CATSPERQ: variants seen among roughly 807,000 people sequenced by gnomAD.
CATSPERQ encodes the protein cation channel sperm-associated auxiliary subunit theta.
the CATSPERQ span, chr8:144,354,454 G>A: frequency 3.1e-6 from 4 of 1,302,452 alleles, no homozygotes; most frequent in African/African-American, 3.1e-5. This position sits in a 1 kb window ranked among gnomAD's most constrained non-coding sequence, Gnocchi z 4.6. Context: ...TCTCGCCTGC[G>A]GCCTCTCCGT....
At chr8:144,353,674 G>A in the CATSPERQ span, 1 of 1,478,786 alleles carries the variant, frequency 6.8e-7, no homozygotes, top group Non-Finnish European at 9.1e-7. Flanking sequence ...CGAAGACCGT[G>A]TTGTATTTAC....
At chr8:144,353,888 G>C in the CATSPERQ span, 8 of 1,530,932 alleles carry the variant, frequency 5.2e-6, no homozygotes, top group African/African-American at 1.1e-4. Flanking sequence ...GACTTAGCCA[G>C]CCTGGCCGCC....
chr8:144,354,351 TGA>T, the CATSPERQ span: 1 of 1,530,826 alleles, frequency 6.5e-7, no homozygotes, highest in South Asian at 1.2e-5. The surrounding 1 kb of genome is among the most constrained non-coding windows in gnomAD (Gnocchi z 4.6). Context: ...GCGCGGCGCG[TGA>T]GGACGCCCCG....
At chr8:144,354,382 G>A in the CATSPERQ span, 3 of 1,509,118 alleles carry the variant, frequency 2.0e-6, no homozygotes, top group South Asian at 3.6e-5. This position sits in a 1 kb window ranked among gnomAD's most constrained non-coding sequence, Gnocchi z 4.6. Flanking sequence ...CGCAGCCGGG[G>A]GTGGCGGTGC....
the CATSPERQ span, chr8:144,353,698 A>C: frequency 7.9e-6 from 12 of 1,512,460 alleles, no homozygotes; most frequent in Non-Finnish European, 1.1e-5. Flanking sequence ...CTGCGTGCGG[A>C]AACGGCCCCA....
At chr8:144,353,899 C>T in the CATSPERQ span, 1 of 1,529,466 alleles carries the variant, frequency 6.5e-7, no homozygotes, top group Non-Finnish European at 8.8e-7. Flanking sequence ...CCTGGCCGCC[C>T]CTCCGACCTC....
chr8:144,353,326 G>C, the CATSPERQ span: 1 of 1,518,730 alleles, frequency 6.6e-7, no homozygotes, highest in Non-Finnish European at 8.8e-7. Context: ...ACACAGTCCC[G>C]AGGTGGGGGA....
chr8:144,354,340 G>C, the CATSPERQ span: 1 of 1,532,546 alleles, frequency 6.5e-7, no homozygotes, highest in Admixed American at 2.0e-5. This position sits in a 1 kb window ranked among gnomAD's most constrained non-coding sequence, Gnocchi z 4.6. Flanking sequence ...GACTGGGGGT[G>C]GCGCGGCGCG....
chr8:144,353,792 A>C, the CATSPERQ span: 1 of 1,535,546 alleles, frequency 6.5e-7, no homozygotes, highest in Admixed American at 2.0e-5. Context: ...TAGTGCTCCG[A>C]CAGCTGCACC....
chr8:144,354,370 C>A, the CATSPERQ span: 1 of 1,515,726 alleles, frequency 6.6e-7, no homozygotes, highest in African/African-American at 1.4e-5. This position sits in a 1 kb window ranked among gnomAD's most constrained non-coding sequence, Gnocchi z 4.6. Context: ...CCCGGCCCTG[C>A]CCGCAGCCGG....
the CATSPERQ span, chr8:144,354,030 G>A: frequency 4.6e-6 from 7 of 1,535,408 alleles, no homozygotes; most frequent in Admixed American, 9.8e-5. This position sits in a 1 kb window ranked among gnomAD's most constrained non-coding sequence, Gnocchi z 4.6. Flanking sequence ...GGATGGAGAA[G>A]TGGTACACGC....
the CATSPERQ span, chr8:144,354,797 C>T: frequency 5.9e-6 from 9 of 1,524,390 alleles, no homozygotes; most frequent in Admixed American, 2.0e-5. The surrounding 1 kb of genome is among the most constrained non-coding windows in gnomAD (Gnocchi z 4.6). Context: ...TCAGCCTGGC[C>T]GCTCGTCCGC....
At chr8:144,354,046 G>C in the CATSPERQ span, 1 of 1,535,390 alleles carries the variant, frequency 6.5e-7, no homozygotes, top group Non-Finnish European at 8.7e-7. This position sits in a 1 kb window ranked among gnomAD's most constrained non-coding sequence, Gnocchi z 4.6. Flanking sequence ...CACGCCGCGC[G>C]TGTGGTTCAG....
the CATSPERQ span, chr8:144,353,566 G>T: frequency 6.6e-7 from 1 of 1,506,226 alleles, no homozygotes; most frequent in Non-Finnish European, 8.9e-7. Context: ...GCCGGGACAG[G>T]ACAGACCCGA....
chr8:144,353,616 C>T, the CATSPERQ span: 199 of 1,460,070 alleles, frequency 1.4e-4, no homozygotes, highest in Non-Finnish European at 1.7e-4. Flanking sequence ...CAGGCTGCAT[C>T]CCCCGTCCTG....
chr8:144,354,039 G>A, the CATSPERQ span: 84 of 1,535,362 alleles, frequency 5.5e-5, no homozygotes, highest in Non-Finnish European at 6.1e-6. The surrounding 1 kb of genome is among the most constrained non-coding windows in gnomAD (Gnocchi z 4.6). Flanking sequence ...AGTGGTACAC[G>A]CCGCGCGTGT....
At chr8:144,354,359 C>A in the CATSPERQ span, 4 of 1,527,906 alleles carry the variant, frequency 2.6e-6, no homozygotes. The surrounding 1 kb of genome is among the most constrained non-coding windows in gnomAD (Gnocchi z 4.6). Flanking sequence ...CGTGAGGACG[C>A]CCCGGCCCTG....
the CATSPERQ span, chr8:144,353,858 C>T: frequency 1.3e-6 from 2 of 1,534,980 alleles, no homozygotes; most frequent in African/African-American, 2.7e-5. Flanking sequence ...AAGCACCTTC[C>T]GTGGGCTGCG....
the CATSPERQ span, chr8:144,353,702 G>A: frequency 9.3e-6 from 14 of 1,512,154 alleles, no homozygotes; most frequent in South Asian, 1.6e-4. Flanking sequence ...GTGCGGAAAC[G>A]GCCCCACCCA....
Sources: allele counts gnomAD v4.1 joint callset, GRCh38; gene constraint gnomAD v4.1.1; non-coding constraint Gnocchi (gnomAD v3.1); transcripts MANE v1.5; gene names NCBI Gene and HGNC (gene_info 2026-07-23, HGNC 2026-07-21).